Variants in CA5B observed in about 807,000 individuals in gnomAD.
CA5B encodes the protein carbonic anhydrase 5B, mitochondrial.
In CA5B, 15 loss-of-function variants were observed where a neutral mutation model predicts 23.1. The observed-to-expected ratio is 0.65, with a 90% CI of 0.43 to 1.00. The LOEUF is 1.00. Among genes scored for constraint, CA5B ranks in the 50% least tolerant of loss-of-function variants. The pLI is 0.00. For synonymous variants in CA5B, 84 were observed against 98.5 expected (o/e 0.85, Z 0.87); for missense variants, 236 against 252.2 (o/e 0.94, Z 0.43).
Position 15,765,611 on chromosome X carries a change from T to C in CA5B, c.340+836T>C, listed in dbSNP as rs930319033. Among the ~76,000 whole-genome samples the C allele has an allele frequency of 2.2e-4, 24 of 110,464 alleles. 1 individual carries two copies. Among genetic ancestry groups the C allele is most frequent in the Admixed American group, 1.2e-3 (12 of 10,189 alleles). ...ATCAACCAGTGGTAATTCTGCCAACTTTCCCCCATACCCCTCCATATCCCT... is the reference window on the plus strand; with the variant it reads ...ATCAACCAGTGGTAATTCTGCCAACCTTCCCCCATACCCCTCCATATCCCT... On this transcript the variant is annotated intron_variant, in intron 3 of 7. Transcript: ENST00000318636.
At chrX:15,759,643 C>T (rs1263620149) in intron 2 of CA5B, among the ~76,000 whole-genome samples, 1 of 108,648 alleles carries the variant, frequency 9.2e-6, no homozygotes, top group African/African-American at 3.4e-5. Context: ...AAACCTAGGA[C>T]TACTCATATA....
chrX:15,769,495 A>G, intron 3 of CA5B: 1 of 753,016 alleles, frequency 1.3e-6, no homozygotes, highest in South Asian at 6.7e-5. Context: ...GTCAACAGGC[A>G]TTAAGGAGAT....
intron 2 of CA5B, among the ~76,000 whole-genome samples, chrX:15,758,483 A>G (rs1391292163): frequency 1.8e-5 from 2 of 111,482 alleles, no homozygotes; most frequent in Non-Finnish European, 3.8e-5. Context: ...CAGCGTGTAC[A>G]TTTTTGGGTT....
At chrX:15,740,089 A>G (rs1219755016) in intron 1 of CA5B, among the ~76,000 whole-genome samples, 2 of 111,919 alleles carry the variant, frequency 1.8e-5, no homozygotes, top group Admixed American at 1.9e-4. Flanking sequence ...GGCTTTCAAA[A>G]TCTTTGTTTC....
rs1416273164 is a variant in CA5B, at chrX:15,745,217, G to T, written c.-53-4754G>T. Among the ~76,000 whole-genome samples the T allele has an allele frequency of 3.4e-5, 3 of 88,080 alleles. No homozygotes were observed. The Admixed American group carries it at 3.6e-4, about 11-fold the overall frequency. The allele number at this position is 88,080 out of a possible 115,157, so 76.5% of individuals were successfully genotyped here. On this transcript the variant is annotated intron_variant, in intron 1 of 7. Coordinates refer to ENST00000318636, the MANE Select transcript of CA5B (RefSeq NM_007220.4). ...AGAAAAGAAAAGAAAAGAAAAATCT[G>T]TTTAATTATACTAAGTAAAATAAGC...
rs1025284880 is a variant in CA5B, at chrX:15,782,782, T to A, written c.*118T>A. 4 of 559,158 alleles carry A rather than the reference T, an allele frequency of 7.2e-6. No individual in the cohort carries two copies. The highest frequency in any genetic ancestry group is 8.3e-6 in the Non-Finnish European group (3 of 362,139). 46.1% of individuals were successfully genotyped at this position (559,158 alleles called of 1,213,427 possible). On this transcript the variant is annotated 3_prime_UTR_variant, in exon 8 of 8. Coordinates refer to ENST00000318636, the MANE Select transcript of CA5B (RefSeq NM_007220.4). ...GATAATATTTACAGATGTGCATTTC[T>A]TAGCATGAGAGTGCTTCATCAGTCT...
At chrX:15,745,715 G>A (rs188734675) in intron 1 of CA5B, 2 of 111,579 alleles carry the variant, frequency 1.8e-5, no homozygotes, top group East Asian at 2.8e-4. Context: ...GTTAAGGCAA[G>A]CTTTCCCCAT....
At chrX:15,776,348 A>C (rs1283982741) in intron 6 of CA5B, among the ~76,000 whole-genome samples, 1 of 108,100 alleles carries the variant, frequency 9.3e-6, no homozygotes. Flanking sequence ...CAAAAAAAAA[A>C]AAAAAAAAAG....
At chrX:15,778,079 T>G (rs1409388329) in intron 7 of CA5B, among the ~76,000 whole-genome samples, 1 of 111,584 alleles carries the variant, frequency 9.0e-6, no homozygotes. Flanking sequence ...CTAAAAGATA[T>G]GATATAAAGA....
intron 3 of CA5B, among the ~76,000 whole-genome samples, chrX:15,772,027 T>G (rs1373238257): frequency 8.9e-6 from 1 of 112,172 alleles, no homozygotes; most frequent in Non-Finnish European, 1.9e-5. Context: ...TCCCAGGTGA[T>G]CATTTTTGAC....
intron 2 of CA5B, among the ~76,000 whole-genome samples, chrX:15,758,615 T>G (rs1350229659): frequency 8.9e-6 from 1 of 111,821 alleles, no homozygotes; most frequent in Non-Finnish European, 1.9e-5. Context: ...CAAGAGATTC[T>G]CCTGCCTCAG....
chrX:15,764,995 ATCTC>A (rs1009640978), intron 3 of CA5B: 4 of 442,169 alleles, frequency 9.0e-6, no homozygotes, highest in African/African-American at 5.0e-5. Context: ...TAATAAATAT[ATCTC>A]TATCTCTCTA....
Position 15,787,440 on chromosome X carries a change from A to G in CA5B, c.*4776A>G, listed in dbSNP as rs1302001473. 1 of 111,463 alleles carries G rather than the reference A, an allele frequency of 9.0e-6. No homozygotes were observed. The highest frequency in any genetic ancestry group is 1.9e-5 in the Non-Finnish European group (1 of 53,107). The allele number at this position is 111,463 out of a possible 1,213,427, so 9.2% of individuals were successfully genotyped here. A position where few individuals can be genotyped will look rare whatever the true frequency, so the allele number is the denominator to read the frequency against. On this transcript the variant is annotated 3_prime_UTR_variant, in exon 8 of 8. Coordinates refer to ENST00000318636, the MANE Select transcript of CA5B (RefSeq NM_007220.4). The stretch of plus-strand genomic sequence containing the variant: ...GGGTAAAGTTGGCTATTCTAAAACT[A>G]AGCATCCGCCCAAAAGAAGTCTTGG...
intron 2 of CA5B, among the ~76,000 whole-genome samples, chrX:15,750,692 A>G (rs1320464515): frequency 8.9e-6 from 1 of 112,455 alleles, no homozygotes; most frequent in Non-Finnish European, 1.9e-5. Context: ...GAATTACTGA[A>G]TTAATTCTAG....
At chrX:15,771,949 C>A (rs1931829485) in intron 3 of CA5B, among the ~76,000 whole-genome samples, 4 of 110,974 alleles carry the variant, frequency 3.6e-5, no homozygotes. Context: ...CTATGGTCAC[C>A]ATGCTGTGCA....
At chrX:15,774,636 C>T (rs1247390701) in intron 5 of CA5B, among the ~76,000 whole-genome samples, 1 of 111,071 alleles carries the variant, frequency 9.0e-6, no homozygotes, top group Non-Finnish European at 1.9e-5. Context: ...GAGTTCGAGA[C>T]CAGCCTGGCT....
At chrX:15,757,543 C>T (rs868634889) in intron 2 of CA5B, among the ~76,000 whole-genome samples, 12 of 109,000 alleles carry the variant, frequency 1.1e-4, no homozygotes, top group Middle Eastern at 4.8e-3. Flanking sequence ...ACAACAACAA[C>T]AAAAACCCAC....
rs1193388495 is a variant in CA5B, at chrX:15,772,588, G to A, written c.433G>A (p.Val145Met). 3.4e-6 allele frequency: 4 copies of A among 1,191,936 alleles called. No homozygotes were observed. The highest frequency in any genetic ancestry group is 1.8e-5 in the African/African-American group (1 of 56,810). The change falls in exon 4 of 8, where the codon GTG becomes ATG. Residue 145 changes from valine (V) to methionine (M), a missense_variant. Around this residue, in one of 3 missense-constraint regions of CA5B, gnomAD observed 170 missense variants for 162.0 expected, o/e 1.05. Coordinates refer to ENST00000318636, the MANE Select transcript of CA5B (RefSeq NM_007220.4). ...CGATGCCTGGGGTTCTGAGCACACC[G>A]TGGACAGCAAATGCTTCCCAGCAGA... Reference protein sequence around the residue: ...AIDAWGSEHTVDSKCFPAELH... With the variant: ...AIDAWGSEHTMDSKCFPAELH...
intron 1 of CA5B, among the ~76,000 whole-genome samples, chrX:15,748,176 T>C (rs1054388097): frequency 3.6e-5 from 4 of 112,107 alleles, no homozygotes; most frequent in Non-Finnish European, 7.5e-5. Flanking sequence ...TACACTTAGC[T>C]GGCAAAGGGA....
Sources: allele counts gnomAD v4.1 joint callset (sites outside exome capture counted in the v4.1 genomes callset), GRCh38; gene constraint gnomAD v4.1.1; regional missense constraint gnomAD v4.1.1; transcripts MANE v1.5; gene names NCBI Gene and HGNC (gene_info 2026-07-23, HGNC 2026-07-21).